STAP1: variants seen among roughly 807,000 people sequenced by gnomAD.
STAP1 encodes the protein signal transducing adaptor family member 1.
Under a neutral mutation model 37.8 loss-of-function variants are expected in STAP1, and 30 were observed. The observed-to-expected ratio is 0.79, with a 90% CI of 0.59 to 1.08. STAP1 has a LOEUF of 1.08. STAP1 is among the 50% of genes least tolerant of loss of function. STAP1 has a pLI of 0.00. For synonymous variants in STAP1, 130 were observed against 116.0 expected (o/e 1.12, Z -0.78); for missense variants, 357 against 349.4 (o/e 1.02, Z -0.17).
intron 6 of STAP1, among the ~76,000 whole-genome samples, chr4:67,586,045 T>G (rs1258766032): frequency 2.6e-5 from 4 of 152,224 alleles, no homozygotes; most frequent in African/African-American, 9.6e-5. Flanking sequence ...CGTGATTTTT[T>G]TTTCCTTAAT....
In STAP1 at chr4:67,596,254, T is replaced by C. The variant is rs1176377316; in HGVS notation, c.826+2898T>C. 2.0e-5 allele frequency among the ~76,000 whole-genome samples: 3 copies of C among 152,192 alleles called. No individual in the cohort carries two copies. In the East Asian group the frequency reaches 5.8e-4, roughly 29 times the overall value. On this transcript the variant is annotated intron_variant, in intron 8 of 8. Coordinates refer to ENST00000265404, the MANE Select transcript of STAP1 (RefSeq NM_012108.4). ...CCTGTGCTCTCTCTTTCCTGCCACCTTGTGAAGACGTGTCTTGCTTCCCCT... is the reference window on the plus strand; with the variant it reads ...CCTGTGCTCTCTCTTTCCTGCCACCCTGTGAAGACGTGTCTTGCTTCCCCT...
intron 8 of STAP1, among the ~76,000 whole-genome samples, chr4:67,594,935 T>A (rs1417894984): frequency 6.6e-6 from 1 of 152,162 alleles, no homozygotes; most frequent in African/African-American, 2.4e-5. Context: ...CGATACAAGC[T>A]TTTTGTGTGT....
chr4:67,588,039 TA>T (rs3032636), intron 6 of STAP1, among the ~76,000 whole-genome samples: 1,583 of 85,592 alleles, frequency 0.018, 66 homozygotes, highest in African/African-American at 0.073. Context: ...CACATTTTCT[TA>T]AAAAAAAAAA....
At chr4:67,576,915 G>C (rs1578026317) in intron 3 of STAP1, among the ~76,000 whole-genome samples, 1 of 152,184 alleles carries the variant, frequency 6.6e-6, no homozygotes, top group Non-Finnish European at 1.5e-5. Context: ...CTAATGGAGA[G>C]AGTAACTGTG....
At chr4:67,575,627 C>T in intron 3 of STAP1, 129 bp downstream of exon 3, 1 of 704,392 alleles carries the variant, frequency 1.4e-6, no homozygotes, top group Non-Finnish European at 2.3e-6. Flanking sequence ...TTTTTGCTTG[C>T]GTCTGGCCAA....
chr4:67,562,341 CA>C (rs1025713141), intron 1 of STAP1, among the ~76,000 whole-genome samples: 3 of 149,340 alleles, frequency 2.0e-5, no homozygotes, highest in Admixed American at 6.7e-5. Context: ...AACTCCGTCT[CA>C]AAAAAAAAGG....
intron 1 of STAP1, among the ~76,000 whole-genome samples, chr4:67,568,261 A>C (rs1279619358): frequency 6.6e-6 from 1 of 152,254 alleles, no homozygotes; most frequent in African/African-American, 2.4e-5. Context: ...AAGTATCTTC[A>C]CATGCACAAT....
chr4:67,606,695 C>A lies in STAP1; in HGVS notation c.*338C>A, dbSNP rs973107670. On this transcript the variant is annotated 3_prime_UTR_variant, in exon 9 of 9. Transcript: ENST00000265404. ...CATTTCCCCTATATAATTCCAACAG[C>A]AGTTTCTCTAGTTCTAAATTTTACC... 3.4e-5 allele frequency: 6 copies of A among 174,756 alleles called. No individual in the cohort carries two copies. The highest frequency in any genetic ancestry group is 6.2e-5 in the Admixed American group (1 of 16,022). 10.8% of individuals were successfully genotyped at this position (174,756 alleles called of 1,614,324 possible).
intron 1 of STAP1, among the ~76,000 whole-genome samples, chr4:67,563,568 G>T (rs565119128): frequency 6.6e-6 from 1 of 152,156 alleles, no homozygotes; most frequent in Non-Finnish European, 1.5e-5. Context: ...GCCAGGCGTG[G>T]TGGCACACCC....
chr4:67,587,805 C>T (rs1177857660), intron 6 of STAP1, among the ~76,000 whole-genome samples: 1 of 150,594 alleles, frequency 6.6e-6, no homozygotes, highest in African/African-American at 2.4e-5. Context: ...ACCACAACTT[C>T]CACCTCCCAG....
At chr4:67,570,847 T>C (rs1429680111) in intron 1 of STAP1, among the ~76,000 whole-genome samples, 1 of 151,966 alleles carries the variant, frequency 6.6e-6, no homozygotes, top group African/African-American at 2.4e-5. Context: ...GGCAGAAGAA[T>C]TGCTTGAGCC....
chr4:67,601,031 G>A (rs925181181), intron 8 of STAP1, among the ~76,000 whole-genome samples: 1 of 151,914 alleles, frequency 6.6e-6, no homozygotes, highest in African/African-American at 2.4e-5. Flanking sequence ...TCATTGTTTT[G>A]TGGTCTTCTC....
At chr4:67,582,954 C>G (rs952954272) in intron 5 of STAP1, among the ~76,000 whole-genome samples, 1 of 152,184 alleles carries the variant, frequency 6.6e-6, no homozygotes, top group Non-Finnish European at 1.5e-5. Context: ...GTAAGTTATG[C>G]ATATTAAATG....
intron 5 of STAP1, 26 bp downstream of exon 5, chr4:67,581,497 A>C: frequency 1.3e-6 from 2 of 1,575,196 alleles, no homozygotes; most frequent in Non-Finnish European, 1.7e-6. Context: ...ACTGCAGTTT[A>C]TTCATTCGAT....
At chr4:67,570,917 A>G (rs960476462) in intron 1 of STAP1, among the ~76,000 whole-genome samples, 167 bp from the exon 2 acceptor site, 1 of 152,212 alleles carries the variant, frequency 6.6e-6, no homozygotes, top group African/African-American at 2.4e-5. Context: ...ATCTCAAAAA[A>G]TGAAAAGAAT....
chr4:67,585,807 T>C (rs914734202), intron 6 of STAP1, among the ~76,000 whole-genome samples: 1 of 152,218 alleles, frequency 6.6e-6, no homozygotes, highest in African/African-American at 2.4e-5. Context: ...TTAGAATAAT[T>C]TGTAGGAGAA....
At chr4:67,590,562 A>G (rs559777361) in intron 6 of STAP1, among the ~76,000 whole-genome samples, 1 of 152,194 alleles carries the variant, frequency 6.6e-6, no homozygotes, top group South Asian at 2.1e-4. Flanking sequence ...TTTACTTTCT[A>G]GGTTACTGAC....
chr4:67,583,379 TA>T (rs1727907325), intron 5 of STAP1, among the ~76,000 whole-genome samples, 194 bp from the exon 6 acceptor site: 1 of 152,180 alleles, frequency 6.6e-6, no homozygotes, highest in African/African-American at 2.4e-5. Context: ...AGGAAGACCT[TA>T]ACGTTAGCAT....
chr4:67,577,355 T>C (rs1486141205), intron 4 of STAP1, 96 bp downstream of exon 4: 2 of 1,053,410 alleles, frequency 1.9e-6, no homozygotes. Flanking sequence ...TGGCTGAAGA[T>C]ATAGCAATTG....
Sources: allele counts gnomAD v4.1 joint callset (sites outside exome capture counted in the v4.1 genomes callset), GRCh38; gene constraint gnomAD v4.1.1; transcripts MANE v1.5; gene names NCBI Gene and HGNC (gene_info 2026-07-23, HGNC 2026-07-21).